COL15A1: variants seen among roughly 807,000 people sequenced by gnomAD.
COL15A1 encodes collagen alpha-1(XV) chain.
COL15A1 carries 111 observed loss-of-function variants against 165.9 expected under a neutral mutation model. The observed-to-expected ratio is 0.67, with a 90% confidence interval of 0.57 to 0.78. The LOEUF (loss-of-function observed/expected upper bound fraction) is 0.78, where lower values mean the gene tolerates loss of function less well. Ranked by LOEUF, COL15A1 falls within the 30% of genes least tolerant of loss-of-function variation. The probability of loss-of-function intolerance (pLI) is 0.00; values close to 1 mark genes in which losing one functional copy is unlikely to be tolerated. For missense variants in COL15A1, 1,745 were observed against 1,789.7 expected (o/e 0.98, Z 0.45); for synonymous variants, 659 against 674.8 (o/e 0.98, Z 0.36).
intron 21 of COL15A1, among the ~76,000 whole-genome samples, chr9:99,037,323 TG>T (rs1177824596): frequency 1.3e-5 from 2 of 152,184 alleles, no homozygotes; most frequent in Admixed American, 6.5e-5. Flanking sequence ...CTGAATGAAA[TG>T]TTTGGTGTCA....
intron 6 of COL15A1, among the ~76,000 whole-genome samples, chr9:98,998,631 T>TG: frequency 6.6e-6 from 1 of 152,302 alleles, no homozygotes; most frequent in Non-Finnish European, 1.5e-5. Context: ...GCCGCAGTTG[T>TG]GGAAGTGGCT....
chr9:98,949,487 C>T (rs750956618), intron 2 of COL15A1, among the ~76,000 whole-genome samples: 1 of 152,204 alleles, frequency 6.6e-6, no homozygotes, highest in East Asian at 1.9e-4. Context: ...TACAGATCCA[C>T]ACAGCTACCA....
At chr9:98,985,483 C>G in intron 2 of COL15A1, 82 bp from the exon 3 acceptor site, 1 of 1,344,688 alleles carries the variant, frequency 7.4e-7, no homozygotes, top group South Asian at 1.5e-5. Context: ...GATCCCGTTT[C>G]ATTTGTGACT....
Position 99,067,675 on chromosome 9 carries a change from A to G in COL15A1, c.3837+608A>G, listed in dbSNP as rs951144174. Among the ~76,000 whole-genome samples the G allele has an allele frequency of 2.6e-5, 4 of 152,214 alleles. No individual in the cohort carries two copies. In the East Asian group the frequency reaches 7.7e-4, roughly 29 times the overall value. On this transcript the variant is annotated intron_variant, in intron 40 of 41. Transcript: ENST00000375001. Reference sequence around the variant, plus strand: ...TCTTAAAGGTACTTCAAGACCCTTTAGTCTCTGCAACCCCAGTACTCCAAT... The same window carrying G: ...TCTTAAAGGTACTTCAAGACCCTTTGGTCTCTGCAACCCCAGTACTCCAAT...
At chr9:99,045,697 G>A (rs1564081327) in intron 26 of COL15A1, among the ~76,000 whole-genome samples, 2 of 152,238 alleles carry the variant, frequency 1.3e-5, no homozygotes, top group Non-Finnish European at 2.9e-5. Context: ...ACCTGCCCAT[G>A]TGACACAGCT....
intron 11 of COL15A1, among the ~76,000 whole-genome samples, chr9:99,017,139 A>C (rs779148695): frequency 3.3e-5 from 5 of 149,832 alleles, no homozygotes; most frequent in Non-Finnish European, 6.0e-5. Flanking sequence ...CAACAAATTC[A>C]CAATCAAGCG....
At chr9:98,970,849 T>A (rs1838037415) in intron 2 of COL15A1, among the ~76,000 whole-genome samples, 1 of 152,132 alleles carries the variant, frequency 6.6e-6, no homozygotes, top group African/African-American at 2.4e-5. Flanking sequence ...AGTCGGTGTA[T>A]ACTGGAGTAT....
At chr9:98,945,185 G>GTATTTT (rs1158115837) in intron 2 of COL15A1, among the ~76,000 whole-genome samples, 1 of 152,200 alleles carries the variant, frequency 6.6e-6, no homozygotes, top group Non-Finnish European at 1.5e-5. Flanking sequence ...AGCAATGCAA[G>GTATTTT]TATTTTTATT....
rs189627973 is a variant in COL15A1, at chr9:99,005,973, G to A, written c.1353+923G>A. 1.2e-4 allele frequency among the ~76,000 whole-genome samples: 18 copies of A among 152,262 alleles called. No homozygotes were observed. The South Asian group carries it at 1.5e-3, about 12-fold the overall frequency. The stretch of plus-strand genomic sequence containing the variant: ...GCCTTGCTGACCACCTCTTGGGCCC[G>A]TCCTCTCTGCCTCTCAGCAGCACTT... On this transcript the variant is annotated intron_variant, in intron 9 of 41. Transcript: ENST00000375001.
rs1564090401 is a variant in COL15A1 at position 99,056,352 on chromosome 9, T to G, written c.3285T>G (p.Pro1095=). 1.9e-6 allele frequency: 3 copies of G among 1,613,634 alleles called. No homozygotes were observed. Among genetic ancestry groups the G allele is most frequent in the Admixed American group, 1.7e-5 (1 of 60,022 alleles). ...CTGGCTTTGGAAGACCTGGTGATCC[T>G]GGGCCACCGGGGCCCCCGGGGCCAC... ...GPPGFGRPGD[P]GPPGPPGPPG... The change falls in exon 35 of 42, where the codon CCT becomes CCG. Residue 1095 remains proline, a synonymous_variant. Coordinates refer to ENST00000375001, the MANE Select transcript of COL15A1 (RefSeq NM_001855.5).
At position 99,003,497 on chromosome 9, in the gene COL15A1, C is replaced by A. The variant is rs780315587; in HGVS notation, c.1110C>A (p.Ser370Arg). The A allele has an allele frequency of 1.9e-6, 3 of 1,563,150 alleles. No individual in the cohort carries two copies. The highest frequency in any genetic ancestry group is 2.6e-6 in the Non-Finnish European group (3 of 1,154,922). The change falls in exon 8 of 42, where the codon AGC becomes AGA. Residue 370 changes from serine to arginine, a missense_variant. Coordinates refer to ENST00000375001, the MANE Select transcript of COL15A1 (RefSeq NM_001855.5). ...CGGGGCTGGCCGAGGTGCCCATCAG[C>A]ACTGCTGGAGAAGCAGAGGCCAGCA... ...TAAGLAEVPISTAGEAEASSV... is the reference protein window; with the variant it reads ...TAAGLAEVPIRTAGEAEASSV...
chr9:99,018,889 G>A (rs1419162142), intron 11 of COL15A1, among the ~76,000 whole-genome samples: 1 of 152,152 alleles, frequency 6.6e-6, no homozygotes, highest in African/African-American at 2.4e-5. Flanking sequence ...AGGTTGTTAG[G>A]TTTTTAATAC....
In COL15A1 at chr9:99,000,896, C is replaced by T. The variant is rs1324710721; in HGVS notation, c.1010C>T (p.Pro337Leu). The T allele has an allele frequency of 6.2e-7, 1 of 1,607,088 alleles. No individual in the cohort carries two copies. The highest frequency in any genetic ancestry group is 1.7e-5 in the Admixed American group (1 of 59,906). ...GGGGTTCATTCTGTGGATGGTGACC[C>T]CATTACTGACAGCGGCTCAGGGGCT... ...LEGVHSVDGD[P>L]ITDSGSGAGA... The change falls in exon 7 of 42, where the codon CCC becomes CTC. Residue 337 changes from proline to leucine, a missense_variant. By Grantham distance (98) the Pro-to-Leu change is moderately conservative (BLOSUM62 -3). Transcript: ENST00000375001.
At chr9:98,972,263 C>T (rs1353593387) in intron 2 of COL15A1, among the ~76,000 whole-genome samples, 1 of 152,112 alleles carries the variant, frequency 6.6e-6, no homozygotes, top group African/African-American at 2.4e-5. Context: ...TAGCCCTTAC[C>T]CGTGGCTGTC....
intron 16 of COL15A1, among the ~76,000 whole-genome samples, chr9:99,030,199 G>A (rs1018613425): frequency 2.0e-5 from 3 of 152,124 alleles, no homozygotes; most frequent in Non-Finnish European, 2.9e-5. Context: ...TGTAACAGAC[G>A]GCACTATTTT....
intron 39 of COL15A1, among the ~76,000 whole-genome samples, chr9:99,065,720 G>A (rs1825880711): frequency 6.7e-6 from 1 of 149,484 alleles, no homozygotes; most frequent in African/African-American, 2.5e-5. Flanking sequence ...GAGAGAGACT[G>A]GAGCAGGTGG....
intron 18 of COL15A1, 68 bp downstream of exon 18, chr9:99,035,222 C>CTAAAT: frequency 6.4e-7 from 1 of 1,570,564 alleles, no homozygotes. Context: ...GACCAGCTAG[C>CTAAAT]TAAACCCTGG....
chr9:98,952,193 G>A (rs530374781), intron 2 of COL15A1, among the ~76,000 whole-genome samples: 1 of 152,276 alleles, frequency 6.6e-6, no homozygotes, highest in Non-Finnish European at 1.5e-5. Flanking sequence ...GTGGTCTAAT[G>A]CACCAACTTA....
Position 98,985,987 on chromosome 9 carries a change from C to T in COL15A1, c.523C>T (p.Leu175Phe), listed in dbSNP as rs1301727171. The change falls in exon 3 of 42, where the codon CTC (leucine) becomes TTC (phenylalanine). Residue 175 changes from leucine (L) to phenylalanine (F), a missense_variant. By Grantham distance (22) the Leu-to-Phe change is conservative (BLOSUM62 0). Transcript: ENST00000375001. ...GATTGTCCAGGGTGAGGAAGTGACC[C>T]TCCTCGTGAACTGTGAGGAGCACAG... ...AMIVQGEEVTLLVNCEEHSRI... is the reference protein window; with the variant it reads ...AMIVQGEEVTFLVNCEEHSRI... 4.3e-6 allele frequency: 7 copies of T among 1,614,032 alleles called. No individual in the cohort carries two copies. The highest frequency in any genetic ancestry group is 1.3e-5 in the African/African-American group (1 of 74,914).
Sources: allele counts gnomAD v4.1 joint callset (sites outside exome capture counted in the v4.1 genomes callset), GRCh38; gene constraint gnomAD v4.1.1; transcripts MANE v1.5; gene names NCBI Gene and HGNC (gene_info 2026-07-23, HGNC 2026-07-21).